Variants in SLC44A5 observed in about 807,000 individuals in gnomAD.
SLC44A5 encodes the protein choline transporter-like protein 5.
Under a neutral mutation model 101.8 loss-of-function variants are expected in SLC44A5, and 57 were observed. The ratio of observed to expected loss-of-function variants is 0.56; its 90% confidence interval spans 0.45 to 0.70. The LOEUF (loss-of-function observed/expected upper bound fraction) is 0.70. Among genes scored for constraint, SLC44A5 ranks in the 30% least tolerant of loss-of-function variants. The probability of loss-of-function intolerance (pLI) is 0.00; values close to 1 mark genes in which losing one functional copy is unlikely to be tolerated. For missense variants in SLC44A5, 737 were observed against 853.1 expected (o/e 0.86, Z 1.70); for synonymous variants, 281 against 290.9 (o/e 0.97, Z 0.35).
At chr1:75,621,048 A>G in the SLC44A5 span, among the ~76,000 whole-genome samples, 1 of 152,190 alleles carries the variant, frequency 6.6e-6, no homozygotes, top group Non-Finnish European at 1.5e-5. Context: ...AGTTTTCTGT[A>G]TATGGATAGA....
chr1:75,343,212 A>G (rs1459798692), intron 3 of SLC44A5, among the ~76,000 whole-genome samples: 1 of 152,184 alleles, frequency 6.6e-6, no homozygotes, highest in South Asian at 2.1e-4. Flanking sequence ...TGACTTTCTG[A>G]TCACCAAGTT....
intron 1 of SLC44A5, among the ~76,000 whole-genome samples, chr1:75,576,510 G>A (rs1309021267): frequency 6.6e-6 from 1 of 151,962 alleles, no homozygotes; most frequent in Admixed American, 6.6e-5. Flanking sequence ...AGTAGAGACG[G>A]GGTTTCACCG....
At chr1:75,530,339 G>A (rs1490310611) in intron 2 of SLC44A5, among the ~76,000 whole-genome samples, 2 of 152,144 alleles carry the variant, frequency 1.3e-5, no homozygotes, top group Non-Finnish European at 2.9e-5. Context: ...ATGTCCAGGA[G>A]AGTGGAGGTA....
At chr1:75,576,938 G>A (rs1009685445) in intron 1 of SLC44A5, among the ~76,000 whole-genome samples, 1 of 152,180 alleles carries the variant, frequency 6.6e-6, no homozygotes, top group African/African-American at 2.4e-5. Flanking sequence ...CTTCTTGGAT[G>A]TCTAATGGGC....
chr1:75,258,173 G>C (rs1650175367), intron 6 of SLC44A5, among the ~76,000 whole-genome samples: 1 of 152,026 alleles, frequency 6.6e-6, no homozygotes, highest in Non-Finnish European at 1.5e-5. Flanking sequence ...GTGGCGCCTG[G>C]AATGCCAGTG....
chr1:75,616,770 A>C, the SLC44A5 span, among the ~76,000 whole-genome samples: 1 of 152,202 alleles, frequency 6.6e-6, no homozygotes, highest in Non-Finnish European at 1.5e-5. Context: ...CACCTGCAAG[A>C]ATGGCTGTGT....
intron 2 of SLC44A5, among the ~76,000 whole-genome samples, chr1:75,404,524 G>A (rs985925775): frequency 6.6e-5 from 10 of 152,172 alleles, no homozygotes; most frequent in African/African-American, 2.2e-4. Flanking sequence ...ACAGCCAGAA[G>A]AGAGTGGGAG....
intron 6 of SLC44A5, among the ~76,000 whole-genome samples, chr1:75,259,348 G>A (rs1650290222): frequency 6.6e-6 from 1 of 152,152 alleles, no homozygotes; most frequent in Non-Finnish European, 1.5e-5. Flanking sequence ...ACCTGATGGA[G>A]CTGAAAAACA....
intron 2 of SLC44A5, among the ~76,000 whole-genome samples, chr1:75,469,012 G>C (rs1666968400): frequency 6.6e-6 from 1 of 151,990 alleles, no homozygotes; most frequent in Non-Finnish European, 1.5e-5. Context: ...TTGCATGCCA[G>C]GTATGCAAGT....
chr1:75,697,984 C>A, the SLC44A5 span, among the ~76,000 whole-genome samples: 1 of 152,210 alleles, frequency 6.6e-6, no homozygotes, highest in Admixed American at 6.5e-5. Context: ...ATATCCTGCA[C>A]ATGGCTTGGA....
intron 4 of SLC44A5, among the ~76,000 whole-genome samples, chr1:75,318,087 C>T (rs1376367972): frequency 2.0e-5 from 3 of 152,106 alleles, no homozygotes; most frequent in African/African-American, 7.2e-5. Flanking sequence ...TTTAAATCTG[C>T]TCTATAGGGC....
At chr1:75,258,841 A>G (rs191487267) in intron 6 of SLC44A5, among the ~76,000 whole-genome samples, 1 of 47,806 alleles carries the variant, frequency 2.1e-5, no homozygotes, top group African/African-American at 1.1e-4. Flanking sequence ...ACAGGCAGCA[A>G]TCTTGGCCAT....
chr1:75,451,032 G>C (rs1665878433), intron 2 of SLC44A5, among the ~76,000 whole-genome samples: 1 of 152,162 alleles, frequency 6.6e-6, no homozygotes, highest in Non-Finnish European at 1.5e-5. Context: ...CACAACCCCA[G>C]GCAAGGAAGT....
intron 4 of SLC44A5, among the ~76,000 whole-genome samples, chr1:75,336,961 C>T (rs1415167213): frequency 1.3e-5 from 2 of 152,152 alleles, no homozygotes; most frequent in East Asian, 3.8e-4. Context: ...CCCAATATCA[C>T]ACCATTGGCA....
chr1:75,427,707 T>C (rs1664391354), intron 2 of SLC44A5, among the ~76,000 whole-genome samples: 1 of 152,212 alleles, frequency 6.6e-6, no homozygotes, highest in Admixed American at 6.5e-5. Context: ...TGTGCCTCTA[T>C]TTCTTATCTT....
chr1:75,579,028 G>A (rs1283634586), intron 1 of SLC44A5, among the ~76,000 whole-genome samples: 1 of 152,054 alleles, frequency 6.6e-6, no homozygotes, highest in Non-Finnish European at 1.5e-5. Context: ...ATCAATAATA[G>A]TAATATGGAT....
At chr1:75,519,765 T>C (rs1453918505) in intron 2 of SLC44A5, among the ~76,000 whole-genome samples, 1 of 152,220 alleles carries the variant, frequency 6.6e-6, no homozygotes, top group Non-Finnish European at 1.5e-5. Flanking sequence ...ACAACAACTC[T>C]CTAACAACTT....
At chr1:75,640,160 T>C in the SLC44A5 span, among the ~76,000 whole-genome samples, 2 of 152,070 alleles carry the variant, frequency 1.3e-5, no homozygotes, top group Non-Finnish European at 2.9e-5. Context: ...CTTCTGCTGA[T>C]CTTGCCAAGC....
the SLC44A5 span, among the ~76,000 whole-genome samples, chr1:75,670,905 G>T: frequency 6.6e-6 from 1 of 152,158 alleles, no homozygotes; most frequent in Non-Finnish European, 1.5e-5. Flanking sequence ...TTTTAATTGG[G>T]TATGATAAGA....
Sources: gnomAD v4.1 joint callset for allele counts (sites outside exome capture counted in the v4.1 genomes callset) on GRCh38, gnomAD v4.1.1 for gene constraint, MANE v1.5 for transcripts, NCBI Gene and HGNC (gene_info 2026-07-23, HGNC 2026-07-21) for gene names.